Variants in UNC45A observed in about 807,000 individuals in gnomAD.
UNC45A encodes protein unc-45 homolog A.
In UNC45A, 78 loss-of-function variants were observed where a neutral mutation model predicts 103.2. That is an observed-to-expected ratio of 0.76 (90% CI 0.63 to 0.91). The LOEUF (loss-of-function observed/expected upper bound fraction) is 0.91. Among genes scored for constraint, UNC45A ranks in the 40% least tolerant of loss-of-function variants. The pLI, the probability that UNC45A is intolerant of heterozygous loss-of-function variation, is 0.00. For missense variants in UNC45A, 1,193 were observed against 1,224.8 expected, an observed-to-expected ratio of 0.97 and a Z score of 0.39; for synonymous variants, 495 against 504.6, an observed-to-expected ratio of 0.98 and a Z score of 0.25.
intron 11 of UNC45A, 56 bp downstream of exon 11, chr15:90,947,946 A>C: frequency 7.6e-6 from 11 of 1,442,060 alleles, no homozygotes; most frequent in East Asian, 2.4e-5. Context: ...CTCAAGACAC[A>C]GGGGTCTGGG....
intron 8 of UNC45A, among the ~76,000 whole-genome samples, chr15:90,943,586 C>G (rs939955314): frequency 4.6e-5 from 7 of 152,126 alleles, no homozygotes; most frequent in African/African-American, 1.7e-4. Context: ...CAAGAGCTAC[C>G]CTTAGGGGGC....
intron 17 of UNC45A, chr15:90,952,705 G>T: frequency 1.9e-6 from 1 of 538,272 alleles, no homozygotes. Context: ...GATTACAGGC[G>T]TGAGCCTCCA....
At chr15:90,939,111 C>G (rs2036160143) in intron 4 of UNC45A, among the ~76,000 whole-genome samples, 1 of 152,010 alleles carries the variant, frequency 6.6e-6, no homozygotes, top group Non-Finnish European at 1.5e-5. Context: ...TCCCGAGTAG[C>G]TGGGATTACC....
rs929385615 is a variant in UNC45A, at chr15:90,935,609, C to A, written c.117C>A (p.Gly39=). The A allele has an allele frequency of 1.2e-6, 2 of 1,613,050 alleles. No homozygotes were observed. The highest frequency in any genetic ancestry group is 1.7e-6 in the Non-Finnish European group (2 of 1,179,608). Residue 39 remains glycine, a synonymous_variant, in exon 2 of 20, where the codon GGC becomes GGA. Transcript: ENST00000418476. ...TGTTCAAATGTGGAGACTACGGGGGCGCCCTGGCGGCCTACACTCAGGCCC... is the reference window on the plus strand; with the variant it reads ...TGTTCAAATGTGGAGACTACGGGGGAGCCCTGGCGGCCTACACTCAGGCCC... ...NELFKCGDYG[G]ALAAYTQALG...
At chr15:90,936,192 C>G in intron 3 of UNC45A, 93 bp from the exon 4 acceptor site, 1 of 1,536,540 alleles carries the variant, frequency 6.5e-7, no homozygotes. Flanking sequence ...TCCCCCCCAC[C>G]TTCTTCTGGC....
chr15:90,950,441 T>TTGGTGGGGC, intron 16 of UNC45A, 59 bp from the exon 17 acceptor site: 4 of 1,572,490 alleles, frequency 2.5e-6, no homozygotes, highest in Non-Finnish European at 2.6e-6. Flanking sequence ...CCCTGCAGGG[T>TTGGTGGGGC]TGGTGGGGCT....
At position 90,940,445 on chromosome 15, in the gene UNC45A, T is replaced by C. The variant is rs1051559202; in HGVS notation, c.659T>C (p.Val220Ala). 2 of 1,613,780 alleles carry C rather than the reference T, an allele frequency of 1.2e-6. No individual in the cohort carries two copies. Among genetic ancestry groups the C allele is most frequent in the African/African-American group, 1.3e-5 (1 of 74,904 alleles). The change falls in exon 6 of 20, where the codon GTT becomes GCT. Residue 220 changes from valine (V) to alanine (A), a missense_variant. Transcript: ENST00000418476. Reference sequence around the variant, plus strand: ...ATGCTGGCGGCTCTGCGTACGCTGGTTGGCATTTGCTCTGAGCATCAGTCA... The same window carrying C: ...ATGCTGGCGGCTCTGCGTACGCTGGCTGGCATTTGCTCTGAGCATCAGTCA... ...DLMLAALRTL[V>A]GICSEHQSRT...
At chr15:90,932,276 G>A, upstream of UNC45A, 2 of 845,572 alleles carry the variant, frequency 2.4e-6, no homozygotes, top group Admixed American at 3.0e-5. Flanking sequence ...GAACGATCAT[G>A]CCTACCGTTC....
chr15:90,942,321 TG>T, intron 6 of UNC45A, 115 bp from the exon 7 acceptor site: 1 of 1,228,116 alleles, frequency 8.1e-7, no homozygotes, highest in Non-Finnish European at 1.1e-6. Context: ...CACCTGGAGC[TG>T]GGCCTTCCAC....
chr15:90,950,681 T>G, intron 17 of UNC45A, 66 bp downstream of exon 17: 1 of 1,499,760 alleles, frequency 6.7e-7, no homozygotes, highest in East Asian at 2.3e-5. Context: ...CCCACAGCAG[T>G]TTACACATTG....
chr15:90,950,040 T>G (rs2036807360), intron 15 of UNC45A, 114 bp from the exon 16 acceptor site: 1 of 992,056 alleles, frequency 1.0e-6, no homozygotes, highest in Admixed American at 2.2e-5. Context: ...GCACAGGGAG[T>G]CAAGCCTGGG....
upstream of UNC45A, chr15:90,934,109 C>A: frequency 2.5e-6 from 1 of 399,182 alleles, no homozygotes; most frequent in Non-Finnish European, 4.4e-6. Context: ...TGCTCTTCAG[C>A]TGGGTGACCC....
At chr15:90,952,724 C>G (rs913808227) in intron 17 of UNC45A, 23 of 572,260 alleles carry the variant, frequency 4.0e-5, no homozygotes, top group Non-Finnish European at 6.9e-5. Context: ...CACGCCCGGC[C>G]GAGATGCCAC....
At position 90,950,151 on chromosome 15, in the gene UNC45A, C is replaced by T. The variant is rs143883436; in HGVS notation, c.2074-3C>T. ...CTGAGCAGTGACGGGCTTGTTCCTACAGGCGCTGATCCCGCTGGCCCTGGA... is the reference window on the plus strand; with the variant it reads ...CTGAGCAGTGACGGGCTTGTTCCTATAGGCGCTGATCCCGCTGGCCCTGGA... On this transcript the variant is annotated splice_region_variant and splice_polypyrimidine_tract_variant and intron_variant, in intron 15 of 19. Transcript: ENST00000418476. The T allele has an allele frequency of 4.5e-6, 7 of 1,551,212 alleles. No individual in the cohort carries two copies. Among genetic ancestry groups the T allele is most frequent in the African/African-American group, 4.1e-5 (3 of 73,168 alleles).
At chr15:90,932,557 A>G, upstream of UNC45A, 1 of 1,241,042 alleles carries the variant, frequency 8.1e-7, no homozygotes, top group East Asian at 3.1e-5. Context: ...GATGGGGCCG[A>G]CGACTGCGGC....
At chr15:90,936,788 A>G (rs1243642247) in intron 4 of UNC45A, among the ~76,000 whole-genome samples, 1 of 152,166 alleles carries the variant, frequency 6.6e-6, no homozygotes, top group African/African-American at 2.4e-5. Context: ...TTCAATTTCA[A>G]ATGAGCGTAT....
intron 17 of UNC45A, among the ~76,000 whole-genome samples, chr15:90,951,574 C>T (rs2036916280): frequency 6.6e-6 from 1 of 151,678 alleles, no homozygotes; most frequent in African/African-American, 2.4e-5. Context: ...CCAGCCTGAG[C>T]AGTGTAGCAA....
At position 90,943,085 on chromosome 15, in the gene UNC45A, A is replaced by G. The variant is rs773503898; in HGVS notation, c.1027+3A>G. The G allele has an allele frequency of 3.1e-6, 5 of 1,591,252 alleles. No individual in the cohort carries two copies. Among genetic ancestry groups the G allele is most frequent in the Admixed American group, 3.6e-5 (2 of 55,316 alleles). ...CACCCTCTGGGTCATCGACCAAGGT[A>G]GGTGATATAGTTCACAAAAACTTGC... On this transcript the variant is annotated splice_donor_region_variant and intron_variant, in intron 8 of 19. Coordinates refer to ENST00000418476, the MANE Select transcript of UNC45A (RefSeq NM_018671.5).
In UNC45A at chr15:90,953,806, T is replaced by C; in HGVS notation, c.*90T>C. On this transcript the variant is annotated 3_prime_UTR_variant, in exon 20 of 20. Transcript: ENST00000418476. ...GGAAGCAGCTTTGGCTGGTGGTGGC[T>C]GGCATGCCCAATACTCTTGCCCATC... 6.6e-7 allele frequency: 1 copy of C among 1,516,318 alleles called. No individual in the cohort carries two copies. The highest frequency in any genetic ancestry group is 8.9e-7 in the Non-Finnish European group (1 of 1,124,564). The allele number at this position is 1,516,318 out of a possible 1,614,324, so 93.9% of individuals were successfully genotyped here. A position where few individuals can be genotyped will look rare whatever the true frequency, so the allele number is the denominator to read the frequency against.
Sources: allele counts gnomAD v4.1 joint callset (sites outside exome capture counted in the v4.1 genomes callset), GRCh38; gene constraint gnomAD v4.1.1; transcripts MANE v1.5; gene names NCBI Gene and HGNC (gene_info 2026-07-23, HGNC 2026-07-21).